The following MAGI1 variants were observed in gnomAD, a reference collection of about 807,000 sequenced individuals.
The protein encoded by MAGI1 is membrane-associated guanylate kinase, WW and PDZ domain-containing protein 1.
Under a neutral mutation model 139.9 loss-of-function variants are expected in MAGI1, and 58 were observed. The observed-to-expected ratio is 0.41, with a 90% confidence interval of 0.34 to 0.52. The LOEUF is 0.52. Among genes scored for constraint, MAGI1 ranks in the 20% least tolerant of loss-of-function variants. The pLI, the probability that MAGI1 is intolerant of heterozygous loss-of-function variation, is 0.12. For missense variants in MAGI1, 1,874 were observed against 1,901.6 expected (o/e 0.99, Z 0.27); for synonymous variants, 812 against 737.9 (o/e 1.10, Z -1.63).
intron 1 of MAGI1, among the ~76,000 whole-genome samples, chr3:65,856,900 G>A (rs569595674): frequency 1.2e-3 from 183 of 152,248 alleles, no homozygotes; most frequent in African/African-American, 4.2e-3. Context: ...AACTCAAATC[G>A]CCCATGGATC....
chr3:65,639,487 T>C (rs75922925), intron 1 of MAGI1, among the ~76,000 whole-genome samples: 9,237 of 152,234 alleles, frequency 0.061, 932 homozygotes, highest in African/African-American at 0.21. Context: ...GGAAGTCATC[T>C]GGGAGGGTTG....
intron 1 of MAGI1, among the ~76,000 whole-genome samples, chr3:65,854,159 T>A (rs2108407839): frequency 7.1e-6 from 1 of 140,378 alleles, no homozygotes; most frequent in African/African-American, 2.7e-5. Context: ...AAAATTCTAA[T>A]CTTTTATTTA....
At position 65,847,462 on chromosome 3, in the gene MAGI1, G is replaced by A. The variant is rs79449463; in HGVS notation, c.313+190534C>T. ...CATTCTTGTTGTCAAAGTGATCCAC[G>A]GAAGAAATCTTTAATTTCATATTCA... On this transcript the variant is annotated intron_variant, in intron 1 of 22. Transcript: ENST00000402939. Among the ~76,000 whole-genome samples the A allele has an allele frequency of 4.5e-3, 677 of 152,080 alleles. 9 individuals carry two copies. The highest frequency in any genetic ancestry group is 0.015 in the African/African-American group (637 of 41,492).
At chr3:65,719,719 T>C (rs908824188) in intron 1 of MAGI1, among the ~76,000 whole-genome samples, 1 of 152,184 alleles carries the variant, frequency 6.6e-6, no homozygotes, top group East Asian at 1.9e-4. Context: ...CTAATTTTTG[T>C]ATTTTTTTGT....
intron 2 of MAGI1, among the ~76,000 whole-genome samples, chr3:65,553,572 T>C (rs1434533433): frequency 6.6e-6 from 1 of 152,238 alleles, no homozygotes; most frequent in African/African-American, 2.4e-5. Flanking sequence ...CTGACATCAA[T>C]GTCGCAAGTG....
At position 65,539,229 on chromosome 3, in the gene MAGI1, C is replaced by T. The variant is rs151329222; in HGVS notation, c.431-45598G>A. The stretch of plus-strand genomic sequence containing the variant: ...ATCAACTGGAAACACATACCAACTA[C>T]TGTCAACCAGAAACATGCACCAAGT... On this transcript the variant is annotated intron_variant, in intron 2 of 22. Transcript: ENST00000402939. 8.5e-3 allele frequency among the ~76,000 whole-genome samples: 1,294 copies of T among 152,286 alleles called. 8 individuals are homozygous for T. Among genetic ancestry groups the T allele is most frequent in the Middle Eastern group, 0.031 (9 of 294 alleles).
intron 1 of MAGI1, among the ~76,000 whole-genome samples, chr3:65,928,263 G>A (rs560759370): frequency 1.2e-4 from 18 of 152,170 alleles, no homozygotes; most frequent in Non-Finnish European, 2.5e-4. Context: ...AATACTGGCC[G>A]TGGAGGGAGC....
chr3:65,961,006 T>C (rs765228720), intron 1 of MAGI1, among the ~76,000 whole-genome samples: 11 of 152,328 alleles, frequency 7.2e-5, no homozygotes, highest in Non-Finnish European at 1.5e-4. Context: ...CAGCCTGAAA[T>C]GGCAGGCCTG....
At chr3:65,526,274 A>T (rs968652073) in intron 2 of MAGI1, among the ~76,000 whole-genome samples, 1 of 152,134 alleles carries the variant, frequency 6.6e-6, no homozygotes, top group Non-Finnish European at 1.5e-5. Context: ...TGACTGCTCA[A>T]ATTAAGGTAA....
At chr3:65,826,018 T>C (rs931289437) in intron 1 of MAGI1, among the ~76,000 whole-genome samples, 1 of 151,066 alleles carries the variant, frequency 6.6e-6, no homozygotes, top group African/African-American at 2.4e-5. Flanking sequence ...TTTTGAATTT[T>C]ATATATATAT....
chr3:65,401,371 CTCCCACCTCCA>C, intron 13 of MAGI1, 57 bp downstream of exon 13: 25 of 1,184,614 alleles, frequency 2.1e-5, no homozygotes, highest in Non-Finnish European at 2.9e-5. Flanking sequence ...ACAGAGTACC[CTCCCACCTCCA>C]GCCCCCCACC....
chr3:65,598,452 G>C (rs2082332661), intron 2 of MAGI1, among the ~76,000 whole-genome samples: 1 of 152,224 alleles, frequency 6.6e-6, no homozygotes, highest in Non-Finnish European at 1.5e-5. Flanking sequence ...GCAAGGGACA[G>C]AAGTCCCTTC....
At chr3:65,487,636 T>C (rs1442175363) in intron 3 of MAGI1, among the ~76,000 whole-genome samples, 1 of 152,224 alleles carries the variant, frequency 6.6e-6, no homozygotes, top group Non-Finnish European at 1.5e-5. Flanking sequence ...AAGAGAATTC[T>C]GAAGGTTACT....
chr3:65,444,887 T>C (rs182486851), intron 7 of MAGI1, among the ~76,000 whole-genome samples: 25 of 152,346 alleles, frequency 1.6e-4, no homozygotes, highest in Non-Finnish European at 3.1e-4. Flanking sequence ...ACTTCCAATG[T>C]GGTCATTAAC....
In MAGI1 at chr3:65,356,370, T is replaced by TC. The variant is rs1940192740; in HGVS notation, c.*7dup. 6.4e-7 allele frequency: 1 copy of TC among 1,564,490 alleles called. No individual in the cohort carries two copies. On this transcript the variant is annotated 3_prime_UTR_variant, in exon 23 of 23. Coordinates refer to ENST00000402939, the MANE Select transcript of MAGI1 (RefSeq NM_001033057.2). ...GACACGGTAAAGGTTGGAATGTGACTCAGCGTCTCAGATACTGAGGTCGGT... is the reference window on the plus strand; with the variant it reads ...GACACGGTAAAGGTTGGAATGTGACTCCAGCGTCTCAGATACTGAGGTCGGT...
At chr3:65,889,042 C>T (rs1222780760) in intron 1 of MAGI1, among the ~76,000 whole-genome samples, 2 of 152,110 alleles carry the variant, frequency 1.3e-5, no homozygotes, top group Non-Finnish European at 2.9e-5. Context: ...TAGGCTAGTA[C>T]TATTCATTAT....
intron 1 of MAGI1, among the ~76,000 whole-genome samples, chr3:65,795,661 G>C (rs564412240): frequency 1.4e-4 from 20 of 144,002 alleles, no homozygotes; most frequent in African/African-American, 5.1e-4. Context: ...GCTCTATTTC[G>C]GTCTCCAAAG....
chr3:65,952,239 T>C (rs1231505316), intron 1 of MAGI1, among the ~76,000 whole-genome samples: 1 of 152,198 alleles, frequency 6.6e-6, no homozygotes, highest in Non-Finnish European at 1.5e-5. Flanking sequence ...TGTGTCTGTT[T>C]GTCAAAGATG....
At chr3:65,368,766 A>G (rs962901474) in intron 18 of MAGI1, among the ~76,000 whole-genome samples, 5 of 152,340 alleles carry the variant, frequency 3.3e-5, no homozygotes, top group East Asian at 1.9e-4. Context: ...AGCAATATCT[A>G]TATGTTGCCA....
Sources: allele counts gnomAD v4.1 joint callset (sites outside exome capture counted in the v4.1 genomes callset), GRCh38; gene constraint gnomAD v4.1.1; transcripts MANE v1.5; gene names NCBI Gene and HGNC (gene_info 2026-07-23, HGNC 2026-07-21).